The following WBP1L variants were observed in gnomAD, a reference collection of about 807,000 sequenced individuals.
The protein encoded by WBP1L is WW domain binding protein 1 like.
In WBP1L, 17 loss-of-function variants were observed where a neutral mutation model predicts 33.7. The ratio of observed to expected loss-of-function variants is 0.50; its 90% CI spans 0.34 to 0.76. The LOEUF is 0.76. Ranked by LOEUF, WBP1L falls within the 30% of genes least tolerant of loss-of-function variation. WBP1L has a pLI of 0.01. For missense variants in WBP1L, 389 were observed against 469.4 expected (o/e 0.83, Z 1.58); for synonymous variants, 173 against 190.8 (o/e 0.91, Z 0.77).
intron 2 of WBP1L, among the ~76,000 whole-genome samples, chr10:102,804,426 A>T (rs1843703727): frequency 1.3e-5 from 2 of 149,938 alleles, no homozygotes; most frequent in Non-Finnish European, 3.0e-5. Context: ...TTTTAAAAAA[A>T]AAATTATACT....
intron 1 of WBP1L, among the ~76,000 whole-genome samples, chr10:102,772,697 G>A (rs550642888): frequency 6.7e-6 from 1 of 148,408 alleles, no homozygotes; most frequent in South Asian, 2.1e-4. Context: ...AGCTTCCCGA[G>A]TAGCTGAGAC....
At chr10:102,801,875 A>G (rs1239374911) in intron 2 of WBP1L, among the ~76,000 whole-genome samples, 1 of 49,522 alleles carries the variant, frequency 2.0e-5, no homozygotes, top group East Asian at 5.6e-4. Context: ...CCTCCCTCCC[A>G]TCTCCCTCCT....
chr10:102,808,841 TG>T (rs1843781953), intron 2 of WBP1L, among the ~76,000 whole-genome samples: 1 of 151,680 alleles, frequency 6.6e-6, no homozygotes, highest in South Asian at 2.1e-4. Flanking sequence ...TTGCAAGTGC[TG>T]ATCTTCTGAG....
rs578115978 is a variant in WBP1L at position 102,797,802 on chromosome 10, C to T, written c.91-191C>T. Among the ~76,000 whole-genome samples the T allele has an allele frequency of 9.9e-5, 15 of 152,242 alleles. No homozygotes were observed. The East Asian group carries it at 1.2e-3, about 12-fold the overall frequency. On this transcript the variant is annotated intron_variant, in intron 1 of 3. Transcript: ENST00000448841. ...TCCTGACCTCGCGATCTGCCTGCCT[C>T]GGCCTCCCAAAGTGCTGGCAATACA...
chr10:102,746,609 TG>T (rs66527766), intron 1 of WBP1L, among the ~76,000 whole-genome samples: 113,694 of 148,968 alleles, frequency 0.76, 43,411 homozygotes, highest in Non-Finnish European at 0.77. Context: ...TGGGTTTTTT[TG>T]GGGGGGGTGG....
intron 1 of WBP1L, chr10:102,776,145 T>G: frequency 7.2e-7 from 1 of 1,395,990 alleles, no homozygotes; most frequent in Non-Finnish European, 9.3e-7. Flanking sequence ...TCGGCTTTGC[T>G]GCGTCTGAGA....
intron 3 of WBP1L, among the ~76,000 whole-genome samples, chr10:102,811,586 C>G (rs967411381): frequency 1.1e-4 from 16 of 152,246 alleles, no homozygotes; most frequent in African/African-American, 3.6e-4. Flanking sequence ...TCTTGGCTCA[C>G]TGCAACCTCC....
rs73350298 is a variant in WBP1L, at chr10:102,794,221, T to G, written c.91-3772T>G. 5.4e-3 allele frequency among the ~76,000 whole-genome samples: 827 copies of G among 152,200 alleles called. 12 individuals are homozygous for G. Among genetic ancestry groups the G allele is most frequent in the African/African-American group, 0.018 (752 of 41,528 alleles). ...CCACACCACTGTTCTTTGCTGTGGA[T>G]TTGCATGAGAGGAGACATAGATTTC... On this transcript the variant is annotated intron_variant, in intron 1 of 3. Transcript: ENST00000448841.
chr10:102,792,156 T>C (rs1843509098), intron 1 of WBP1L, among the ~76,000 whole-genome samples: 1 of 152,230 alleles, frequency 6.6e-6, no homozygotes, highest in Non-Finnish European at 1.5e-5. Flanking sequence ...TTTATGCCTT[T>C]GTTTTCTGTT....
chr10:102,766,561 T>C (rs374290714), intron 1 of WBP1L, among the ~76,000 whole-genome samples: 27 of 151,214 alleles, frequency 1.8e-4, no homozygotes, highest in African/African-American at 5.1e-4. Context: ...GGTTGGAGGC[T>C]ACAGTGAGCC....
At position 102,798,035 on chromosome 10, in the gene WBP1L, T is replaced by A; in HGVS notation, c.133T>A (p.Cys45Ser). ...CVGTNNQSYI[C>S]DTGHCCGQSQ... The stretch of plus-strand genomic sequence containing the variant: ...GGGTACCAACAATCAAAGCTACATC[T>A]GTGACACAGGACACTGCTGTGGACA... The change falls in exon 2 of 4, where the codon TGT becomes AGT. Residue 45 changes from cysteine (C) to serine (S), a missense_variant. By Grantham distance (112) the Cys-to-Ser change is moderately radical. Coordinates refer to ENST00000448841, the MANE Select transcript of WBP1L (RefSeq NM_001083913.2). 1 of 1,614,186 alleles carries A rather than the reference T, an allele frequency of 6.2e-7. No individual in the cohort carries two copies. Among genetic ancestry groups the A allele is most frequent in the Non-Finnish European group, 8.5e-7 (1 of 1,180,034 alleles).
intron 2 of WBP1L, among the ~76,000 whole-genome samples, chr10:102,800,402 G>C (rs984588865): frequency 1.3e-5 from 2 of 152,184 alleles, no homozygotes; most frequent in African/African-American, 4.8e-5. Context: ...CCAGGGCAGG[G>C]GGGTGGAGTG....
intron 3 of WBP1L, among the ~76,000 whole-genome samples, chr10:102,810,638 C>T (rs547423861): frequency 1.6e-5 from 2 of 128,242 alleles, no homozygotes; most frequent in South Asian, 5.0e-4. Flanking sequence ...GCAATCTTGG[C>T]TCACTGCAAC....
At chr10:102,799,665 A>G (rs946333371) in intron 2 of WBP1L, among the ~76,000 whole-genome samples, 6 of 152,186 alleles carry the variant, frequency 3.9e-5, no homozygotes, top group Non-Finnish European at 8.8e-5. Context: ...CTAAGCCCTC[A>G]TCACTGCCTC....
intron 1 of WBP1L, among the ~76,000 whole-genome samples, chr10:102,745,609 A>G (rs868074551): frequency 6.6e-6 from 1 of 152,240 alleles, no homozygotes; most frequent in African/African-American, 2.4e-5. Flanking sequence ...TATAAGGCCC[A>G]TCCACATCGT....
At chr10:102,779,989 A>G (rs570643650) in intron 1 of WBP1L, among the ~76,000 whole-genome samples, 4 of 152,340 alleles carry the variant, frequency 2.6e-5, no homozygotes, top group Admixed American at 6.5e-5. Flanking sequence ...GCTGTCATTC[A>G]TCTCTTGAGT....
At chr10:102,777,613 A>T (rs140453717) in intron 1 of WBP1L, among the ~76,000 whole-genome samples, 1,134 of 112,054 alleles carry the variant, frequency 0.01, 11 homozygotes, top group African/African-American at 0.037. Context: ...TCTGTTGCCC[A>T]GGCTGGAGTG....
chr10:102,788,058 G>C (rs1843443038), intron 1 of WBP1L, among the ~76,000 whole-genome samples: 1 of 150,558 alleles, frequency 6.6e-6, no homozygotes, highest in African/African-American at 2.4e-5. Flanking sequence ...TAGCCTGAGT[G>C]ACAGAGACCC....
intron 1 of WBP1L, among the ~76,000 whole-genome samples, chr10:102,785,129 C>T (rs1166881557): frequency 1.3e-5 from 2 of 151,704 alleles, no homozygotes; most frequent in Non-Finnish European, 2.9e-5. Context: ...CCACCACAGC[C>T]TCCCAAAGTG....
Sources: gnomAD v4.1 joint callset for allele counts (sites outside exome capture counted in the v4.1 genomes callset) on GRCh38, gnomAD v4.1.1 for gene constraint, MANE v1.5 for transcripts, NCBI Gene and HGNC (gene_info 2026-07-23, HGNC 2026-07-21) for gene names.